Variants in NDFIP2 observed in about 807,000 individuals in gnomAD.
NDFIP2 encodes the protein NEDD4 family-interacting protein 2.
Under a neutral mutation model 36.0 loss-of-function variants are expected in NDFIP2, and 19 were observed. The ratio of observed to expected loss-of-function variants is 0.53; its 90% CI spans 0.37 to 0.77. The LOEUF (loss-of-function observed/expected upper bound fraction) is 0.77. Among genes scored for constraint, NDFIP2 ranks in the 30% least tolerant of loss-of-function variants. NDFIP2 has a pLI of 0.00. For missense variants in NDFIP2, 446 were observed against 435.8 expected, an observed-to-expected ratio of 1.02 and a Z score of -0.21; for synonymous variants, 181 against 167.7, an observed-to-expected ratio of 1.08 and a Z score of -0.61.
chr13:79,544,877 C>T (rs1594860000), intron 5 of NDFIP2, among the ~76,000 whole-genome samples: 1 of 152,094 alleles, frequency 6.6e-6, no homozygotes, highest in East Asian at 1.9e-4. Context: ...TCAGTTAATT[C>T]TTGGTTGGGA....
intron 2 of NDFIP2, 33 bp from the exon 3 acceptor site, chr13:79,533,290 T>G: frequency 6.3e-7 from 1 of 1,581,288 alleles, no homozygotes; most frequent in Admixed American, 1.9e-5. Context: ...TAAATAGATT[T>G]TATTGGTTAT....
At chr13:79,491,965 G>T (rs970611501) in intron 1 of NDFIP2, among the ~76,000 whole-genome samples, 13 of 152,166 alleles carry the variant, frequency 8.5e-5, no homozygotes, top group African/African-American at 3.1e-4. Context: ...TCAGGGTTTT[G>T]ACTTGCTTGC....
chr13:79,516,456 C>G (rs1874336517), intron 1 of NDFIP2, among the ~76,000 whole-genome samples: 1 of 152,042 alleles, frequency 6.6e-6, no homozygotes, highest in African/African-American at 2.4e-5. Context: ...TTCCTGGGCT[C>G]CAGTGATCCT....
intron 1 of NDFIP2, among the ~76,000 whole-genome samples, chr13:79,503,746 T>C (rs1873754931): frequency 6.6e-6 from 1 of 152,108 alleles, no homozygotes; most frequent in South Asian, 2.1e-4. Flanking sequence ...GATTTAAGGT[T>C]GAGGGGATGA....
intron 2 of NDFIP2, among the ~76,000 whole-genome samples, chr13:79,532,171 A>G (rs578104216): frequency 6.6e-6 from 1 of 152,354 alleles, no homozygotes; most frequent in Non-Finnish European, 1.5e-5. Context: ...AAATATTGCT[A>G]GAAGTACTGG....
intron 1 of NDFIP2, among the ~76,000 whole-genome samples, 173 bp downstream of exon 1, chr13:79,481,697 C>G (rs1037869108): frequency 6.6e-6 from 1 of 152,114 alleles, no homozygotes; most frequent in African/African-American, 2.4e-5. Context: ...CCTGCGCACT[C>G]CTGCCTAGGA....
chr13:79,542,034 A>C (rs565174833), intron 4 of NDFIP2, among the ~76,000 whole-genome samples: 1 of 152,216 alleles, frequency 6.6e-6, no homozygotes, highest in African/African-American at 2.4e-5. Flanking sequence ...TAATGTGCAT[A>C]TCTCTGATCT....
At chr13:79,543,715 C>T (rs767878360) in intron 5 of NDFIP2, 33 bp downstream of exon 5, 10 of 1,600,696 alleles carry the variant, frequency 6.2e-6, no homozygotes, top group East Asian at 4.5e-5. Flanking sequence ...TCTCTTTTAT[C>T]TCTAAAATGA....
intron 6 of NDFIP2, among the ~76,000 whole-genome samples, chr13:79,550,631 G>A (rs911165962): frequency 7.3e-5 from 11 of 151,208 alleles, no homozygotes; most frequent in African/African-American, 2.7e-4. Context: ...AAATAAATAT[G>A]TCTTAGTTCA....
intron 1 of NDFIP2, among the ~76,000 whole-genome samples, chr13:79,514,347 G>A (rs1008238476): frequency 6.6e-6 from 1 of 152,168 alleles, no homozygotes; most frequent in Non-Finnish European, 1.5e-5. Context: ...GGAAGCTGAA[G>A]CAGAGTACTT....
chr13:79,531,642 T>C (rs1875020503), intron 2 of NDFIP2, among the ~76,000 whole-genome samples: 1 of 152,204 alleles, frequency 6.6e-6, no homozygotes. Context: ...GATTTAGCCT[T>C]ATAAACCAAC....
At chr13:79,547,512 G>A (rs1875734170) in intron 5 of NDFIP2, among the ~76,000 whole-genome samples, 1 of 152,126 alleles carries the variant, frequency 6.6e-6, no homozygotes, top group Non-Finnish European at 1.5e-5. Context: ...AGGTGCTAAA[G>A]TTATCTGAAG....
intron 3 of NDFIP2, among the ~76,000 whole-genome samples, 185 bp from the exon 4 acceptor site, chr13:79,539,497 G>A (rs1875375320): frequency 6.6e-6 from 1 of 151,994 alleles, no homozygotes; most frequent in African/African-American, 2.4e-5. Flanking sequence ...CTTTTCAAAT[G>A]TGACTGTGAA....
intron 2 of NDFIP2, 86 bp downstream of exon 2, chr13:79,521,061 CT>C: frequency 8.8e-7 from 1 of 1,138,316 alleles, no homozygotes; most frequent in Non-Finnish European, 1.2e-6. Flanking sequence ...TGTTAATGGG[CT>C]TATAAACATA....
At chr13:79,529,143 T>C (rs2783122) in intron 2 of NDFIP2, among the ~76,000 whole-genome samples, 90,022 of 152,078 alleles carry the variant, frequency 0.59, 27,488 homozygotes, top group African/African-American at 0.72. Context: ...CTTCATAGTG[T>C]TTAAGTGATT....
chr13:79,542,827 A>G (rs1410645784), intron 4 of NDFIP2, among the ~76,000 whole-genome samples: 1 of 151,588 alleles, frequency 6.6e-6, no homozygotes, highest in Non-Finnish European at 1.5e-5. Flanking sequence ...AGCTGAGGAA[A>G]CCCATAAAGT....
At chr13:79,549,512 T>A (rs1048709965) in intron 6 of NDFIP2, among the ~76,000 whole-genome samples, 1 of 151,902 alleles carries the variant, frequency 6.6e-6, no homozygotes. Context: ...AGCCATAATC[T>A]AGTGTTTATT....
At chr13:79,484,450 A>G (rs1314734762) in intron 1 of NDFIP2, among the ~76,000 whole-genome samples, 1 of 152,218 alleles carries the variant, frequency 6.6e-6, no homozygotes, top group African/African-American at 2.4e-5. Context: ...CCCAAACTGT[A>G]TTTCAGAATG....
intron 1 of NDFIP2, among the ~76,000 whole-genome samples, chr13:79,484,791 C>T (rs1184245238): frequency 6.6e-6 from 1 of 152,120 alleles, no homozygotes; most frequent in Non-Finnish European, 1.5e-5. Context: ...GTTTTAAAGC[C>T]ATCTGGGCTT....
Sources: gnomAD v4.1 joint callset for allele counts (sites outside exome capture counted in the v4.1 genomes callset) on GRCh38, gnomAD v4.1.1 for gene constraint, MANE v1.5 for transcripts, NCBI Gene and HGNC (gene_info 2026-07-23, HGNC 2026-07-21) for gene names.